Variants in DCUN1D1 observed in about 807,000 individuals in gnomAD.
DCUN1D1 encodes defective in cullin neddylation 1 domain containing 1, also known as DCN1-like protein 1.
DCUN1D1 carries 3 observed loss-of-function variants against 39.0 expected under a neutral mutation model. The ratio of observed to expected loss-of-function variants is 0.08; its 90% CI spans 0.04 to 0.20. The LOEUF is 0.20. Among genes scored for constraint, DCUN1D1 ranks in the 10% least tolerant of loss-of-function variants. The pLI is 1.00. For missense variants in DCUN1D1, 158 were observed against 302.4 expected (o/e 0.52, Z 3.54); for synonymous variants, 82 against 96.3 (o/e 0.85, Z 0.87).
upstream of DCUN1D1, among the ~76,000 whole-genome samples, chr3:182,982,839 T>G (rs768112170): frequency 6.6e-6 from 1 of 152,024 alleles, no homozygotes; most frequent in African/African-American, 2.4e-5. Context: ...GAAACAGGGT[T>G]TCACCATGTT....
At position 182,980,100 on chromosome 3, in the gene DCUN1D1, G is replaced by A. The variant is rs929038861; in HGVS notation, c.3+387C>T. 6.4e-6 allele frequency: 6 copies of A among 944,076 alleles called. No homozygotes were observed. In the Admixed American group the frequency reaches 1.9e-4, roughly 29 times the overall value. 58.5% of individuals were successfully genotyped at this position (944,076 alleles called of 1,614,324 possible). ...CCCGGAACCCCAGACCCCAGTCCCC[G>A]ACCAGACACAATGGAGCCGGCAGAG... is the stretch of plus-strand genomic sequence containing the variant. On this transcript the variant is annotated intron_variant, in intron 1 of 6. Transcript: ENST00000292782.
At chr3:182,980,741 G>A (rs999863088), upstream of DCUN1D1, 1 of 191,792 alleles carries the variant, frequency 5.2e-6, no homozygotes, top group East Asian at 1.8e-4. Flanking sequence ...GGGGGGCGCG[G>A]CGGGGGAGGG....
intron 1 of DCUN1D1, among the ~76,000 whole-genome samples, chr3:182,979,656 C>CA (rs1728424250): frequency 7.0e-6 from 1 of 141,894 alleles, no homozygotes; most frequent in Non-Finnish European, 1.5e-5. Flanking sequence ...AAAAAAATCA[C>CA]AAATGGCCCT....
chr3:182,975,231 C>T (rs1203232879), intron 1 of DCUN1D1, among the ~76,000 whole-genome samples: 2 of 148,868 alleles, frequency 1.3e-5, no homozygotes, highest in Non-Finnish European at 3.0e-5. Flanking sequence ...GGCTGGAGTG[C>T]AGTGGTGCGA....
chr3:182,955,166 G>C (rs986051938), intron 4 of DCUN1D1, among the ~76,000 whole-genome samples: 8 of 151,778 alleles, frequency 5.3e-5, no homozygotes, highest in Admixed American at 3.3e-4. Context: ...TCAGCCTTCC[G>C]AGTAGCTAGG....
intron 1 of DCUN1D1, among the ~76,000 whole-genome samples, chr3:182,977,166 G>C (rs542257825): frequency 1.4e-4 from 21 of 152,200 alleles, no homozygotes; most frequent in African/African-American, 3.6e-4. Flanking sequence ...GATAATACTG[G>C]GGGAAATGGT....
chr3:182,963,741 T>C, intron 3 of DCUN1D1, 140 bp downstream of exon 3: 1 of 694,526 alleles, frequency 1.4e-6, no homozygotes, highest in Non-Finnish European at 2.3e-6. Context: ...CTGTATAACA[T>C]GGAAACTAGC....
chr3:182,948,366 A>G (rs1726524642), intron 4 of DCUN1D1, among the ~76,000 whole-genome samples: 2 of 152,234 alleles, frequency 1.3e-5, no homozygotes, highest in Non-Finnish European at 1.5e-5. Flanking sequence ...TGGACCAGAG[A>G]AGGGTAGAGA....
chr3:182,944,486 A>C lies in DCUN1D1; in HGVS notation c.*608T>G, dbSNP rs1726293218. On this transcript the variant is annotated 3_prime_UTR_variant, in exon 7 of 7. Transcript: ENST00000292782. Reference sequence around the variant, plus strand: ...AGGTAGGCACCAAGTTATCCTAAAAAATTTTCATGTCGGTTATTCTGACAT... The same window carrying C: ...AGGTAGGCACCAAGTTATCCTAAAACATTTTCATGTCGGTTATTCTGACAT... The C allele has an allele frequency of 6.6e-6, 1 of 152,314 alleles. No individual in the cohort carries two copies. Among genetic ancestry groups the C allele is most frequent in the Admixed American group, 6.6e-5 (1 of 15,260 alleles). The allele number at this position is 152,314 out of a possible 1,614,324, so 9.4% of individuals were successfully genotyped here. A position where few individuals can be genotyped will look rare whatever the true frequency, so the allele number is the denominator to read the frequency against.
At chr3:182,959,511 A>AC (rs1553841969) in intron 4 of DCUN1D1, among the ~76,000 whole-genome samples, 1 of 147,578 alleles carries the variant, frequency 6.8e-6, no homozygotes, top group East Asian at 1.9e-4. Context: ...CAAAAAAAAA[A>AC]AAAAAAAAAA....
At chr3:182,962,783 G>T (rs1024830654) in intron 3 of DCUN1D1, among the ~76,000 whole-genome samples, 3 of 151,906 alleles carry the variant, frequency 2.0e-5, no homozygotes, top group Non-Finnish European at 2.9e-5. Flanking sequence ...TTTTTGTTTT[G>T]TTGTTGTTGT....
At chr3:182,978,813 T>C (rs1728372037) in intron 1 of DCUN1D1, among the ~76,000 whole-genome samples, 1 of 152,200 alleles carries the variant, frequency 6.6e-6, no homozygotes, top group Non-Finnish European at 1.5e-5. Flanking sequence ...GTTTCAAAAC[T>C]AGCTAATTTT....
intron 2 of DCUN1D1, 102 bp from the exon 3 acceptor site, chr3:182,964,151 A>G: frequency 2.2e-6 from 2 of 893,238 alleles, no homozygotes; most frequent in Non-Finnish European, 3.4e-6. Flanking sequence ...AATGACCACA[A>G]TATATGGAAG....
At chr3:182,979,920 G>C (rs1399594634) in intron 1 of DCUN1D1, among the ~76,000 whole-genome samples, 1 of 152,188 alleles carries the variant, frequency 6.6e-6, no homozygotes, top group Non-Finnish European at 1.5e-5. Flanking sequence ...GAAAGGAAAA[G>C]GGCTGATACC....
chr3:182,971,491 T>A (rs192940019), intron 1 of DCUN1D1, among the ~76,000 whole-genome samples: 1 of 151,352 alleles, frequency 6.6e-6, no homozygotes, highest in East Asian at 1.9e-4. Context: ...GAGGATCACT[T>A]GAGCCCGGGA....
intron 4 of DCUN1D1, among the ~76,000 whole-genome samples, chr3:182,959,261 G>A (rs551489908): frequency 2.0e-4 from 30 of 151,994 alleles, no homozygotes; most frequent in African/African-American, 6.8e-4. Flanking sequence ...TGAGAATTTC[G>A]CTTTACAAAT....
At position 182,941,069 on chromosome 3, in the gene DCUN1D1, A is replaced by C. The variant is rs1474403608; in HGVS notation, c.*4025T>G. The C allele has an allele frequency of 6.6e-6, 1 of 152,206 alleles. No homozygotes were observed. Among genetic ancestry groups the C allele is most frequent in the African/African-American group, 2.4e-5 (1 of 41,472 alleles). The allele number at this position is 152,206 out of a possible 1,614,324, so 9.4% of individuals were successfully genotyped here. On this transcript the variant is annotated 3_prime_UTR_variant, in exon 7 of 7. Transcript: ENST00000292782. Reference sequence around the variant, plus strand: ...AACACTGAACCTAGTCAAATAAATGAGTTGGTGAGCAAGAAATGCTACTTA... The same window carrying C: ...AACACTGAACCTAGTCAAATAAATGCGTTGGTGAGCAAGAAATGCTACTTA...
At chr3:182,967,189 G>A (rs992582846) in intron 1 of DCUN1D1, among the ~76,000 whole-genome samples, 1 of 150,434 alleles carries the variant, frequency 6.6e-6, no homozygotes, top group Non-Finnish European at 1.5e-5. Context: ...ACATTTGAGA[G>A]CCCCAGATTC....
At position 182,951,617 on chromosome 3, in the gene DCUN1D1, C is replaced by CAAAAAAAAAAA. The variant is rs748698621; in HGVS notation, c.521-3996_521-3986dup. Among the ~76,000 whole-genome samples, 2 of 44,382 alleles carry CAAAAAAAAAAA rather than the reference C, an allele frequency of 4.5e-5. 1 individual carries two copies. Among genetic ancestry groups the CAAAAAAAAAAA allele is most frequent in the Non-Finnish European group, 7.8e-5 (2 of 25,702 alleles). The allele number at this position is 44,382 out of a possible 152,430, so 29.1% of individuals were successfully genotyped here. A position where few individuals can be genotyped will look rare whatever the true frequency, so the allele number is the denominator to read the frequency against. On this transcript the variant is annotated intron_variant, in intron 4 of 6. Coordinates refer to ENST00000292782, the MANE Select transcript of DCUN1D1 (RefSeq NM_020640.4). ...GGTGACAGAGAGAGACCCTGTCTCC[C>CAAAAAAAAAAA]AAAAAAAAAAAAAAAAAAAAAAAAA...
Sources: gnomAD v4.1 joint callset for allele counts (sites outside exome capture counted in the v4.1 genomes callset) on GRCh38, gnomAD v4.1.1 for gene constraint, MANE v1.5 for transcripts, NCBI Gene and HGNC (gene_info 2026-07-23, HGNC 2026-07-21) for gene names.